Variants in IMMP2L observed in about 807,000 individuals in gnomAD.
IMMP2L encodes mitochondrial inner membrane protease subunit 2.
Under a neutral mutation model 19.3 loss-of-function variants are expected in IMMP2L, and 18 were observed. That is an observed-to-expected ratio of 0.93 (90% CI 0.64 to 1.38). The LOEUF is 1.38. IMMP2L is among the 40% of genes most tolerant of loss of function. The probability of loss-of-function intolerance (pLI) is 0.00; values close to 1 mark genes in which losing one functional copy is unlikely to be tolerated. For missense variants in IMMP2L, 233 were observed against 218.2 expected (o/e 1.07, Z -0.43); for synonymous variants, 76 against 73.0 (o/e 1.04, Z -0.21).
intron 5 of IMMP2L, among the ~76,000 whole-genome samples, chr7:110,759,795 T>G (rs577514161): frequency 6.8e-4 from 103 of 152,264 alleles, no homozygotes; most frequent in South Asian, 6.4e-3. Flanking sequence ...GCTTCAATAA[T>G]TTCAAATAAG....
In IMMP2L at chr7:111,359,015, C is replaced by A. The variant is rs146133898; in HGVS notation, c.239+128223G>T. 1.6e-3 allele frequency among the ~76,000 whole-genome samples: 250 copies of A among 152,158 alleles called. 1 individual carries two copies. Among genetic ancestry groups the A allele is most frequent in the African/African-American group, 5.7e-3 (236 of 41,542 alleles). On this transcript the variant is annotated intron_variant, in intron 3 of 5. Transcript: ENST00000405709. The stretch of plus-strand genomic sequence containing the variant: ...TTAGATAGCTAGAACAAAAGCTAAG[C>A]TAGAAAGCTAAAGTTTATTTCCTAG...
At chr7:110,969,436 G>A (rs1185828560) in intron 3 of IMMP2L, among the ~76,000 whole-genome samples, 5 of 151,934 alleles carry the variant, frequency 3.3e-5, no homozygotes, top group African/African-American at 1.2e-4. Context: ...ACGGAGCTTT[G>A]TAGTTTCAGA....
intron 3 of IMMP2L, among the ~76,000 whole-genome samples, chr7:111,022,004 G>C (rs1357418599): frequency 2.0e-5 from 3 of 152,162 alleles, no homozygotes; most frequent in African/African-American, 7.2e-5. Context: ...GGAATTATGG[G>C]TGCTACAATT....
rs887726915 is a variant in IMMP2L, at chr7:111,421,914, G to A, written c.239+65324C>T. 2.0e-5 allele frequency among the ~76,000 whole-genome samples: 3 copies of A among 151,776 alleles called. 1 individual carries two copies. Among genetic ancestry groups the A allele is most frequent in the African/African-American group, 7.3e-5 (3 of 41,088 alleles). On this transcript the variant is annotated intron_variant, in intron 3 of 5. Transcript: ENST00000405709. ...ATTTTTGTATAAGGGGTTAGGAAGG[G>A]ATCCAGTTTCAGCTTTCTACATACA...
chr7:110,939,742 G>C (rs1816530443), intron 4 of IMMP2L, among the ~76,000 whole-genome samples: 1 of 152,124 alleles, frequency 6.6e-6, no homozygotes, highest in Non-Finnish European at 1.5e-5. Context: ...AACAAAATGT[G>C]GGTATCTCGC....
At chr7:110,969,531 G>A (rs766742327) in intron 3 of IMMP2L, among the ~76,000 whole-genome samples, 7 of 151,758 alleles carry the variant, frequency 4.6e-5, no homozygotes, top group Non-Finnish European at 8.8e-5. Context: ...CCTCATTACT[G>A]GCAAAATGAC....
intron 3 of IMMP2L, among the ~76,000 whole-genome samples, chr7:111,265,087 T>C (rs1286583626): frequency 6.6e-6 from 1 of 152,146 alleles, no homozygotes; most frequent in Non-Finnish European, 1.5e-5. Flanking sequence ...GATAATTTAG[T>C]ACTAATCTAA....
At chr7:110,978,472 A>T (rs1207219307) in intron 3 of IMMP2L, among the ~76,000 whole-genome samples, 1 of 152,052 alleles carries the variant, frequency 6.6e-6, no homozygotes, top group Non-Finnish European at 1.5e-5. Flanking sequence ...AATACATTGT[A>T]ATTCCTTGTG....
At chr7:110,785,769 T>G (rs567325227) in intron 5 of IMMP2L, among the ~76,000 whole-genome samples, 1 of 152,078 alleles carries the variant, frequency 6.6e-6, no homozygotes, top group African/African-American at 2.4e-5. Context: ...ATCATATAAT[T>G]ATTACAAGTA....
At chr7:111,338,956 C>G (rs1375109409) in intron 3 of IMMP2L, among the ~76,000 whole-genome samples, 1 of 151,968 alleles carries the variant, frequency 6.6e-6, no homozygotes, top group Non-Finnish European at 1.5e-5. Context: ...CAATAACTAC[C>G]TTTTTTCTTG....
At chr7:110,705,922 C>T (rs1365744316) in intron 5 of IMMP2L, among the ~76,000 whole-genome samples, 2 of 151,986 alleles carry the variant, frequency 1.3e-5, no homozygotes, top group African/African-American at 4.8e-5. Flanking sequence ...GCGTAGTATT[C>T]CATGGTGTAT....
chr7:111,430,247 A>G lies in IMMP2L; in HGVS notation c.239+56991T>C, dbSNP rs1474210040. Among the ~76,000 whole-genome samples, 4 of 151,822 alleles carry G rather than the reference A, an allele frequency of 2.6e-5. 1 individual carries two copies. The highest frequency in any genetic ancestry group is 2.6e-4 in the Admixed American group (4 of 15,254). On this transcript the variant is annotated intron_variant, in intron 3 of 5. Transcript: ENST00000405709. ...TAACAAAGTAAAGAAATACGTTTGA[A>G]TTTTTTCACAATTTCTACAATATGC...
At chr7:111,061,780 A>G (rs1445066484) in intron 3 of IMMP2L, among the ~76,000 whole-genome samples, 1 of 152,236 alleles carries the variant, frequency 6.6e-6, no homozygotes, top group African/African-American at 2.4e-5. Context: ...TGTAAACTCA[A>G]TGATTTCATT....
chr7:111,522,938 T>TATATGTATATA (rs199823915), intron 1 of IMMP2L, among the ~76,000 whole-genome samples: 17 of 148,764 alleles, frequency 1.1e-4, no homozygotes, highest in Non-Finnish European at 1.5e-4. Flanking sequence ...TATATATATA[T>TATATGTATATA]TATTTCACCA....
intron 3 of IMMP2L, among the ~76,000 whole-genome samples, chr7:111,044,522 C>T (rs1377947031): frequency 1.3e-5 from 2 of 152,272 alleles, no homozygotes; most frequent in African/African-American, 4.8e-5. Context: ...GATTGCACCA[C>T]TGCACTCCAG....
At position 110,914,532 on chromosome 7, in the gene IMMP2L, C is replaced by T. The variant is rs147981558; in HGVS notation, c.306-27837G>A. On this transcript the variant is annotated intron_variant, in intron 4 of 5. Coordinates refer to ENST00000405709, the MANE Select transcript of IMMP2L (RefSeq NM_032549.4). ...CTTGTCCTGTCTTAAAATGAGTTAC[C>T]CATTTGTAAATTGCTGATTTCTTTG... Among the ~76,000 whole-genome samples the T allele has an allele frequency of 1.2e-4, 19 of 152,168 alleles. No homozygotes were observed. In the East Asian group the frequency reaches 3.7e-3, roughly 29 times the overall value.
chr7:111,017,543 C>A (rs959078677), intron 3 of IMMP2L, among the ~76,000 whole-genome samples: 2 of 152,096 alleles, frequency 1.3e-5, no homozygotes, highest in Admixed American at 1.3e-4. Flanking sequence ...GGCTTAGATA[C>A]CCCACTCCCA....
At chr7:110,873,708 A>C in intron 5 of IMMP2L, among the ~76,000 whole-genome samples, 1 of 149,896 alleles carries the variant, frequency 6.7e-6, no homozygotes, top group Admixed American at 6.7e-5. Flanking sequence ...CAGGAGGCGG[A>C]GGTTGCAGTG....
chr7:110,997,835 G>T (rs1433719314), intron 3 of IMMP2L, among the ~76,000 whole-genome samples: 3 of 151,996 alleles, frequency 2.0e-5, no homozygotes, highest in African/African-American at 4.8e-5. Context: ...TATAAATAAT[G>T]ATCAGTATGA....
Sources: allele counts gnomAD v4.1 joint callset (sites outside exome capture counted in the v4.1 genomes callset), GRCh38; gene constraint gnomAD v4.1.1; transcripts MANE v1.5; gene names NCBI Gene and HGNC (gene_info 2026-07-23, HGNC 2026-07-21).